NKAIN2: variants seen among roughly 807,000 people sequenced by gnomAD.
The protein encoded by NKAIN2 is sodium/potassium-transporting ATPase subunit beta-1-interacting protein 2.
Under a neutral mutation model 32.6 loss-of-function variants are expected in NKAIN2, and 14 were observed. The ratio of observed to expected loss-of-function variants is 0.43; its 90% CI spans 0.28 to 0.67. NKAIN2 has a LOEUF of 0.67. Ranked by LOEUF, NKAIN2 falls within the 30% of genes least tolerant of loss-of-function variation. The pLI, the probability that NKAIN2 is intolerant of heterozygous loss-of-function variation, is 0.17. For missense variants in NKAIN2, 198 were observed against 258.3 expected (o/e 0.77, Z 1.60); for synonymous variants, 80 against 87.2 (o/e 0.92, Z 0.46).
intron 1 of NKAIN2, among the ~76,000 whole-genome samples, chr6:123,848,351 T>C (rs1249604578): frequency 6.6e-6 from 1 of 152,140 alleles, no homozygotes; most frequent in Non-Finnish European, 1.5e-5. Flanking sequence ...CCCACCCAAA[T>C]CTCATCTTGA....
At chr6:123,835,704 C>T (rs1166727020) in intron 1 of NKAIN2, among the ~76,000 whole-genome samples, 1 of 152,178 alleles carries the variant, frequency 6.6e-6, no homozygotes, top group Non-Finnish European at 1.5e-5. Flanking sequence ...CACCTCTTCT[C>T]TTCAAAACAA....
chr6:124,219,042 C>T (rs1791645169), intron 1 of NKAIN2, among the ~76,000 whole-genome samples: 1 of 151,888 alleles, frequency 6.6e-6, no homozygotes, highest in South Asian at 2.1e-4. Flanking sequence ...CTGGGGAGAC[C>T]ACCTCCATGA....
chr6:124,490,430 T>TTTTTA (rs1554216252), intron 3 of NKAIN2: 2 of 407,814 alleles, frequency 4.9e-6, no homozygotes. Context: ...TTTTTTTTTT[T>TTTTTA]AAGAATTCTT....
intron 1 of NKAIN2, among the ~76,000 whole-genome samples, chr6:123,949,846 G>T (rs1483067231): frequency 6.6e-6 from 1 of 151,990 alleles, no homozygotes; most frequent in East Asian, 1.9e-4. Flanking sequence ...TTGAATAAGA[G>T]TGGTGAAAGT....
chr6:123,804,099 C>G lies in NKAIN2; in HGVS notation c.-102C>G. On this transcript the variant is annotated 5_prime_UTR_variant, in exon 1 of 7. Transcript: ENST00000368417. ...CAGCAGCCCGGAGCCCCCGAGCCCT[C>G]GGCAGGTTTGCGTGTCCTTCCCCGC... 2 of 1,067,146 alleles carry G rather than the reference C, an allele frequency of 1.9e-6. No homozygotes were observed. Among genetic ancestry groups the G allele is most frequent in the Non-Finnish European group, 2.9e-6 (2 of 682,658 alleles). 66.1% of individuals were successfully genotyped at this position (1,067,146 alleles called of 1,614,324 possible). A position where few individuals can be genotyped will look rare whatever the true frequency, so the allele number is the denominator to read the frequency against.
chr6:123,871,846 GT>G (rs1454492123), intron 1 of NKAIN2, among the ~76,000 whole-genome samples: 1 of 152,078 alleles, frequency 6.6e-6, no homozygotes, highest in African/African-American at 2.4e-5. Context: ...TGGTATTTTA[GT>G]TGTAAAGTCA....
chr6:123,894,151 G>GT lies in NKAIN2; in HGVS notation c.54+89902dup, dbSNP rs1774161629. ...TTGGCATTTTTTTCAGTTTTTTTAT[G>GT]TTTTTCAGGTGTCTCAAAAATGGAC... On this transcript the variant is annotated intron_variant, in intron 1 of 6. Transcript: ENST00000368417. 2.0e-5 allele frequency among the ~76,000 whole-genome samples: 3 copies of GT among 151,722 alleles called. No homozygotes were observed. In the South Asian group the frequency reaches 6.3e-4, roughly 32 times the overall value.
At chr6:124,558,978 G>T (rs947444636) in intron 3 of NKAIN2, among the ~76,000 whole-genome samples, 1 of 133,378 alleles carries the variant, frequency 7.5e-6, no homozygotes, top group African/African-American at 2.8e-5. Flanking sequence ...ACAAACAAAA[G>T]AAATCATGCT....
chr6:124,732,488 A>C (rs1373752181), intron 4 of NKAIN2, among the ~76,000 whole-genome samples: 3 of 152,064 alleles, frequency 2.0e-5, no homozygotes, highest in African/African-American at 7.2e-5. Context: ...TACTGTGGTA[A>C]ACATTAGCTC....
intron 3 of NKAIN2, among the ~76,000 whole-genome samples, chr6:124,366,288 G>T (rs74836917): frequency 0.015 from 2,268 of 152,162 alleles, 33 homozygotes; most frequent in Non-Finnish European, 0.023. Context: ...TAACTCTATA[G>T]ATGATTGGAG....
At chr6:123,807,566 G>C (rs1034858722) in intron 1 of NKAIN2, among the ~76,000 whole-genome samples, 2 of 151,936 alleles carry the variant, frequency 1.3e-5, no homozygotes, top group African/African-American at 2.4e-5. Flanking sequence ...GAAAGTTTTG[G>C]CATGTTTTCC....
intron 1 of NKAIN2, among the ~76,000 whole-genome samples, chr6:124,119,779 C>T (rs2114986470): frequency 6.6e-6 from 1 of 152,316 alleles, no homozygotes; most frequent in South Asian, 2.1e-4. Flanking sequence ...CCAGTGTGCA[C>T]AGCTGCTACC....
chr6:124,498,640 A>T (rs1778162479), intron 3 of NKAIN2, among the ~76,000 whole-genome samples: 1 of 152,158 alleles, frequency 6.6e-6, no homozygotes, highest in South Asian at 2.1e-4. Flanking sequence ...GCAAAACAAT[A>T]ATTTATCATG....
intron 1 of NKAIN2, among the ~76,000 whole-genome samples, chr6:124,106,737 T>G (rs1785137970): frequency 6.6e-6 from 1 of 152,228 alleles, no homozygotes; most frequent in African/African-American, 2.4e-5. Flanking sequence ...TGCAGAGTGA[T>G]CATATTTATG....
At chr6:124,030,271 C>A (rs1232546133) in intron 1 of NKAIN2, among the ~76,000 whole-genome samples, 5 of 152,058 alleles carry the variant, frequency 3.3e-5, no homozygotes, top group Non-Finnish European at 7.4e-5. Context: ...GCACTTGAAT[C>A]ATCCCAAAAC....
chr6:123,983,749 T>A (rs200312409), intron 1 of NKAIN2, among the ~76,000 whole-genome samples: 57,426 of 151,324 alleles, frequency 0.38, 11,334 homozygotes, highest in Admixed American at 0.55. Context: ...ATATATATTT[T>A]TTTTTTCTAG....
At chr6:123,940,348 GTGTATGTGTATGTGTGTATA>G (rs1440794829) in intron 1 of NKAIN2, among the ~76,000 whole-genome samples, 3 of 149,704 alleles carry the variant, frequency 2.0e-5, no homozygotes, top group Non-Finnish European at 4.5e-5. Flanking sequence ...ATATATATAT[GTGTATGTGTATGTGTGTATA>G]TGTATATATA....
chr6:123,975,634 G>A (rs1003251494), intron 1 of NKAIN2, among the ~76,000 whole-genome samples: 1 of 152,134 alleles, frequency 6.6e-6, no homozygotes, highest in Non-Finnish European at 1.5e-5. Context: ...CAAGGCAATC[G>A]TAGATTGAGT....
At chr6:124,707,667 G>T (rs988738909) in intron 4 of NKAIN2, among the ~76,000 whole-genome samples, 18 of 151,148 alleles carry the variant, frequency 1.2e-4, no homozygotes, top group African/African-American at 2.9e-4. Context: ...TCATGTCCTT[G>T]GCCCACTTTT....
Sources: gnomAD v4.1 joint callset for allele counts (sites outside exome capture counted in the v4.1 genomes callset) on GRCh38, gnomAD v4.1.1 for gene constraint, MANE v1.5 for transcripts, NCBI Gene and HGNC (gene_info 2026-07-23, HGNC 2026-07-21) for gene names.